Variants in CRYBG3 observed in about 807,000 individuals in gnomAD.
The protein encoded by CRYBG3 is very large A-kinase anchor protein.
CRYBG3 carries 127 observed loss-of-function variants against 244.2 expected under a neutral mutation model. The ratio of observed to expected loss-of-function variants is 0.52; its 90% confidence interval spans 0.45 to 0.60. CRYBG3 has a LOEUF of 0.60. Among genes scored for constraint, CRYBG3 ranks in the 20% least tolerant of loss-of-function variants. The probability of loss-of-function intolerance (pLI) is 0.00; values close to 1 mark genes in which losing one functional copy is unlikely to be tolerated. For synonymous variants in CRYBG3, 1,132 were observed against 1,195.8 expected (o/e 0.95, Z 1.10); for missense variants, 3,325 against 3,442.5 (o/e 0.97, Z 0.85).
chr3:97,859,904 A>G (rs956173614), intron 2 of CRYBG3, among the ~76,000 whole-genome samples: 6 of 152,146 alleles, frequency 3.9e-5, no homozygotes, highest in Non-Finnish European at 8.8e-5. Context: ...TTCTCTTCAT[A>G]TCATCACCTC....
chr3:97,937,262 C>T (rs1445404397), intron 19 of CRYBG3, among the ~76,000 whole-genome samples: 1 of 152,050 alleles, frequency 6.6e-6, no homozygotes, highest in Non-Finnish European at 1.5e-5. Flanking sequence ...ATATAATACT[C>T]AGGATGGATC....
chr3:97,931,594 T>C (rs558661193), intron 17 of CRYBG3, among the ~76,000 whole-genome samples: 4 of 152,210 alleles, frequency 2.6e-5, no homozygotes, highest in Admixed American at 2.6e-4. Flanking sequence ...CCAGTATATG[T>C]TGGACATCAC....
At position 97,943,145 on chromosome 3, in the gene CRYBG3, G is replaced by C; in HGVS notation, c.8825-81G>C. 3 of 772,252 alleles carry C rather than the reference G, an allele frequency of 3.9e-6. No individual in the cohort carries two copies. The South Asian group carries it at 4.9e-5, about 13-fold the overall frequency. The allele number at this position is 772,252 out of a possible 1,614,324, so 47.8% of individuals were successfully genotyped here. The stretch of plus-strand genomic sequence containing the variant: ...CATTCATCCACCGAAATGGTGAGCT[G>C]AACAGAAGCTTGTGAAAATTGTGAA... On this transcript the variant is annotated intron_variant, in intron 21 of 21. Coordinates refer to ENST00000389622, the MANE Select transcript of CRYBG3 (RefSeq NM_153605.4).
intron 17 of CRYBG3, 106 bp from the exon 18 acceptor site, chr3:97,933,588 T>C (rs1383247207): frequency 4.6e-6 from 5 of 1,086,256 alleles, no homozygotes; most frequent in Non-Finnish European, 7.0e-6. Context: ...AACAGTAAAC[T>C]CCATGCATTT....
intron 19 of CRYBG3, among the ~76,000 whole-genome samples, chr3:97,937,909 A>G (rs977889729): frequency 6.6e-6 from 1 of 152,138 alleles, no homozygotes; most frequent in African/African-American, 2.4e-5. Flanking sequence ...TGGGTAAAAC[A>G]TGTCCAACTC....
At chr3:97,833,499 G>A (rs2038683528) in intron 1 of CRYBG3, among the ~76,000 whole-genome samples, 1 of 152,116 alleles carries the variant, frequency 6.6e-6, no homozygotes, top group Non-Finnish European at 1.5e-5. Context: ...ACTCATAAGT[G>A]GGAGTTGAAC....
intron 15 of CRYBG3, among the ~76,000 whole-genome samples, chr3:97,902,555 G>A (rs1467444451): frequency 6.6e-6 from 1 of 151,226 alleles, no homozygotes; most frequent in Non-Finnish European, 1.5e-5. Flanking sequence ...GTATACGTGT[G>A]CCATGGTGGT....
chr3:97,839,505 G>T (rs1327818790), intron 1 of CRYBG3, among the ~76,000 whole-genome samples: 1 of 152,006 alleles, frequency 6.6e-6, no homozygotes, highest in Non-Finnish European at 1.5e-5. Flanking sequence ...GTATGTTGTA[G>T]GATAGGAATG....
chr3:97,841,212 A>G (rs750369023), intron 1 of CRYBG3, among the ~76,000 whole-genome samples: 3 of 150,356 alleles, frequency 2.0e-5, no homozygotes, highest in Non-Finnish European at 4.4e-5. Flanking sequence ...GTATATATGT[A>G]TATATGTATA....
chr3:97,829,359 A>G lies in CRYBG3; in HGVS notation c.149+7004A>G, dbSNP rs191880414. Among the ~76,000 whole-genome samples, 7 of 152,312 alleles carry G rather than the reference A, an allele frequency of 4.6e-5. No individual in the cohort carries two copies. In the East Asian group the frequency reaches 1.4e-3, roughly 29 times the overall value. On this transcript the variant is annotated intron_variant, in intron 1 of 21. Transcript: ENST00000389622. The stretch of plus-strand genomic sequence containing the variant: ...GAAACTGGGTGGAGTTGACACTTGC[A>G]GCCACAAATATATCAACATAACTCA...
chr3:97,834,785 G>A (rs975128641), intron 1 of CRYBG3, among the ~76,000 whole-genome samples: 5 of 152,082 alleles, frequency 3.3e-5, no homozygotes, highest in African/African-American at 1.2e-4. Context: ...TGCAGTATTC[G>A]TATTTTGTTA....
At chr3:97,836,377 G>A (rs1051938539) in intron 1 of CRYBG3, among the ~76,000 whole-genome samples, 7 of 151,654 alleles carry the variant, frequency 4.6e-5, no homozygotes, top group Non-Finnish European at 7.4e-5. Flanking sequence ...TTTATATTCC[G>A]TTAATAGCCA....
In CRYBG3 at chr3:97,872,004, C is replaced by A. The variant is rs1036294743; in HGVS notation, c.810C>A (p.Asp270Glu). 7 of 1,535,692 alleles carry A rather than the reference C, an allele frequency of 4.6e-6. No homozygotes were observed. The highest frequency in any genetic ancestry group is 1.2e-5 in the South Asian group (1 of 84,036). Reference protein sequence around the residue: ...SSDSSTNRHIDPGSEIEAGVL... With the variant: ...SSDSSTNRHIEPGSEIEAGVL... ...ACTCTAGTACAAACAGACACATTGACCCTGGAAGTGAGATTGAGGCTGGGG... is the reference window on the plus strand; with the variant it reads ...ACTCTAGTACAAACAGACACATTGAACCTGGAAGTGAGATTGAGGCTGGGG... The change falls in exon 4 of 22, where the codon GAC becomes GAA. Residue 270 changes from aspartate to glutamate, a missense_variant. By Grantham distance (45) the Asp-to-Glu change is conservative. This residue lies in a region of CRYBG3 where 1,526 missense variants were observed against 1,443.2 expected (regional missense o/e 1.06). Coordinates refer to ENST00000389622, the MANE Select transcript of CRYBG3 (RefSeq NM_153605.4).
chr3:97,830,323 A>AC (rs2038638051), intron 1 of CRYBG3, among the ~76,000 whole-genome samples: 1 of 151,792 alleles, frequency 6.6e-6, no homozygotes, highest in African/African-American at 2.4e-5. Context: ...CTACCAGTTT[A>AC]CCCCATGACT....
intron 2 of CRYBG3, among the ~76,000 whole-genome samples, chr3:97,862,130 A>T (rs2039159452): frequency 2.0e-5 from 3 of 152,082 alleles, no homozygotes; most frequent in Admixed American, 2.0e-4. Flanking sequence ...TAAAAAGGTT[A>T]AATGTAAAGT....
At chr3:97,911,248 G>A (rs566210109) in intron 15 of CRYBG3, among the ~76,000 whole-genome samples, 70 of 152,306 alleles carry the variant, frequency 4.6e-4, no homozygotes, top group African/African-American at 1.6e-3. Flanking sequence ...CAGATGGTTT[G>A]TTGTGATGTT....
intron 2 of CRYBG3, among the ~76,000 whole-genome samples, chr3:97,843,895 G>A (rs1316455948): frequency 6.6e-6 from 1 of 152,098 alleles, no homozygotes; most frequent in African/African-American, 2.4e-5. Context: ...CTAGGTATGT[G>A]ATCACGTTTT....
chr3:97,930,122 A>C (rs1332811655), intron 17 of CRYBG3, among the ~76,000 whole-genome samples: 3 of 152,106 alleles, frequency 2.0e-5, no homozygotes, highest in Admixed American at 1.3e-4. Flanking sequence ...CCTCTGGGAT[A>C]TAAAACAGTT....
At chr3:97,883,298 T>C (rs2039471233) in intron 7 of CRYBG3, among the ~76,000 whole-genome samples, 1 of 152,154 alleles carries the variant, frequency 6.6e-6, no homozygotes. Flanking sequence ...CAGATAACCA[T>C]TTGAGTGCTC....
Sources: allele counts gnomAD v4.1 joint callset (sites outside exome capture counted in the v4.1 genomes callset), GRCh38; gene constraint gnomAD v4.1.1; regional missense constraint gnomAD v4.1.1; transcripts MANE v1.5; gene names NCBI Gene and HGNC (gene_info 2026-07-23, HGNC 2026-07-21).